The following DOCK3 variants were observed in gnomAD, a reference collection of about 807,000 sequenced individuals.
DOCK3 encodes the protein dedicator of cytokinesis protein 3.
A neutral mutation model predicts 265.6 loss-of-function variants in DOCK3; 60 were observed. The ratio of observed to expected loss-of-function variants is 0.23; its 90% CI spans 0.18 to 0.28. The LOEUF is 0.28. Among genes scored for constraint, DOCK3 ranks in the 10% least tolerant of loss-of-function variants. The pLI is 1.00. For missense variants in DOCK3, 1,981 were observed against 2,594.3 expected, an observed-to-expected ratio of 0.76 and a Z score of 5.14; for synonymous variants, 881 against 938.0, an observed-to-expected ratio of 0.94 and a Z score of 1.11.
At chr3:50,998,672 C>T (rs1004943289) in intron 5 of DOCK3, among the ~76,000 whole-genome samples, 1 of 152,186 alleles carries the variant, frequency 6.6e-6, no homozygotes, top group Non-Finnish European at 1.5e-5. Context: ...GGTCTAACTA[C>T]TGTATGTCTA....
chr3:50,994,193 G>A (rs550196480), intron 5 of DOCK3, among the ~76,000 whole-genome samples: 1 of 152,278 alleles, frequency 6.6e-6, no homozygotes, highest in East Asian at 1.9e-4. Flanking sequence ...GATAGAATTA[G>A]TGAGAGTCAG....
chr3:51,302,723 C>A (rs1427987639), intron 27 of DOCK3, among the ~76,000 whole-genome samples: 1 of 152,086 alleles, frequency 6.6e-6, no homozygotes, highest in Non-Finnish European at 1.5e-5. Flanking sequence ...AAATTCTTTT[C>A]TTTAAGAATG....
chr3:51,019,168 C>T lies in DOCK3; in HGVS notation c.316-45280C>T, dbSNP rs538165173. 9.2e-5 allele frequency among the ~76,000 whole-genome samples: 14 copies of T among 151,892 alleles called. No homozygotes were observed. In the South Asian group the frequency reaches 1.2e-3, roughly 14 times the overall value. On this transcript the variant is annotated intron_variant, in intron 5 of 52. Coordinates refer to ENST00000266037, the MANE Select transcript of DOCK3 (RefSeq NM_004947.5). ...TATCAGCCTTACCCTTTATACCTAG[C>T]GCTTTTTATGTTGTTTTTAAGAAAT...
At chr3:51,151,338 C>T (rs988125889) in intron 10 of DOCK3, among the ~76,000 whole-genome samples, 2 of 151,436 alleles carry the variant, frequency 1.3e-5, no homozygotes, top group Non-Finnish European at 3.0e-5. Flanking sequence ...TTATGTGTGA[C>T]CTGAGGGACC....
chr3:51,330,169 G>C lies in DOCK3; in HGVS notation c.3434G>C (p.Ser1145Thr), dbSNP rs35805015. The C allele has an allele frequency of 2.2e-4, 360 of 1,606,648 alleles. 2 individuals carry two copies. The African/African-American group carries it at 4.2e-3, about 19-fold the overall frequency. ...VEAELIDKLD[S>T]MVSEGKGDES... ...GCCGAGTTGATTGACAAGCTGGACA[G>C]CATGGTGTCAGAAGGGAAAGGTGAC... Residue 1145 changes from serine to threonine, a missense_variant, in exon 33 of 53, where the codon AGC becomes ACC. Coordinates refer to ENST00000266037, the MANE Select transcript of DOCK3 (RefSeq NM_004947.5).
chr3:50,775,202 T>C (rs1234673806), intron 1 of DOCK3, among the ~76,000 whole-genome samples: 5 of 152,112 alleles, frequency 3.3e-5, no homozygotes, highest in Admixed American at 1.3e-4. Context: ...TTGGTGTTAT[T>C]TTTTTCAGAT....
chr3:51,091,804 A>G lies in DOCK3; in HGVS notation c.746+1420A>G, dbSNP rs1014044900. 4.1e-4 allele frequency among the ~76,000 whole-genome samples: 62 copies of G among 152,044 alleles called. 1 individual carries two copies. Among genetic ancestry groups the G allele is most frequent in the African/African-American group, 1.4e-3 (59 of 41,452 alleles). On this transcript the variant is annotated intron_variant, in intron 9 of 52. Transcript: ENST00000266037. ...GTGATTTCTGCATTTCAGCCGAGGT[A>G]CCCGGTTCATCTCACTGGGACTGGT...
At position 51,090,243 on chromosome 3, in the gene DOCK3, G is replaced by C; in HGVS notation, c.605G>C (p.Arg202Pro). 3 of 1,588,806 alleles carry C rather than the reference G, an allele frequency of 1.9e-6. No individual in the cohort carries two copies. The highest frequency in any genetic ancestry group is 2.6e-6 in the Non-Finnish European group (3 of 1,167,152). Residue 202 changes from arginine to proline, a missense_variant, in exon 9 of 53, where the codon CGC (arginine) becomes CCC (proline). Physicochemically the swap from Arg to Pro is moderately radical, Grantham distance 103 (BLOSUM62 -2). Around this residue, in one of 4 missense-constraint regions of DOCK3, gnomAD observed 456 missense variants for 539.0 expected, o/e 0.85. Transcript: ENST00000266037. ...CTTCCTCATTAGGTAGATACAATGC[G>C]CCCACGTCATGGGGAAACATGTCGG... ...QQSTSQVDTM[R>P]PRHGETCRMP...
At chr3:50,993,918 C>A (rs2078193448) in intron 5 of DOCK3, among the ~76,000 whole-genome samples, 1 of 152,158 alleles carries the variant, frequency 6.6e-6, no homozygotes. Context: ...TGCTGCCTCC[C>A]AACCACAGGG....
chr3:50,757,163 C>CTTT lies in DOCK3; in HGVS notation c.38-21491_38-21489dup, dbSNP rs34435343. Among the ~76,000 whole-genome samples the CTTT allele has an allele frequency of 8.9e-4, 73 of 81,610 alleles. 1 individual carries two copies. The highest frequency in any genetic ancestry group is 1.3e-3 in the East Asian group (3 of 2,270). The allele number at this position is 81,610 out of a possible 152,430, so 53.5% of individuals were successfully genotyped here. On this transcript the variant is annotated intron_variant, in intron 1 of 52. Coordinates refer to ENST00000266037, the MANE Select transcript of DOCK3 (RefSeq NM_004947.5). ...CCACTGTGCCCAGTCAGATTGTCGT[C>CTTT]TTTTTTTTTTTTTTTTTTTTTTTCT... is the stretch of plus-strand genomic sequence containing the variant.
At chr3:51,197,122 T>C (rs1462878463) in intron 12 of DOCK3, among the ~76,000 whole-genome samples, 1 of 152,222 alleles carries the variant, frequency 6.6e-6, no homozygotes, top group Middle Eastern at 3.2e-3. Context: ...TTTCTTTGGC[T>C]GTAAACAGCA....
intron 5 of DOCK3, among the ~76,000 whole-genome samples, chr3:50,947,230 A>G (rs554593147): frequency 1.3e-5 from 2 of 152,212 alleles, no homozygotes; most frequent in South Asian, 4.1e-4. Flanking sequence ...TCAAAATGTG[A>G]TTTATTTTAA....
At chr3:51,174,430 C>T (rs1035648939) in intron 12 of DOCK3, among the ~76,000 whole-genome samples, 1 of 152,180 alleles carries the variant, frequency 6.6e-6, no homozygotes, top group Non-Finnish European at 1.5e-5. Flanking sequence ...GATCATGCCA[C>T]TCACATCCAG....
intron 3 of DOCK3, among the ~76,000 whole-genome samples, chr3:50,858,451 T>A (rs1003854449): frequency 1.4e-4 from 20 of 146,506 alleles, no homozygotes; most frequent in Admixed American, 2.7e-4. Context: ...ATAATAATAA[T>A]AAAAATAAAA....
At chr3:51,136,973 A>G (rs917269249) in intron 9 of DOCK3, among the ~76,000 whole-genome samples, 7 of 152,062 alleles carry the variant, frequency 4.6e-5, no homozygotes, top group Non-Finnish European at 1.0e-4. Flanking sequence ...CTATGTATAC[A>G]TATGTAACTA....
At chr3:51,262,617 C>G (rs1475892045) in intron 23 of DOCK3, among the ~76,000 whole-genome samples, 1 of 152,130 alleles carries the variant, frequency 6.6e-6, no homozygotes, top group East Asian at 1.9e-4. Context: ...ATAACAAACT[C>G]CTCCAAGCTA....
intron 35 of DOCK3, chr3:51,337,012 A>G (rs1224409484): frequency 4.9e-6 from 2 of 408,790 alleles, no homozygotes; most frequent in African/African-American, 2.1e-5. Flanking sequence ...CGAAAAGTCA[A>G]GCAGTTTCCT....
chr3:51,061,008 T>C (rs2081389264), intron 5 of DOCK3, among the ~76,000 whole-genome samples: 2 of 152,166 alleles, frequency 1.3e-5, no homozygotes, highest in East Asian at 3.9e-4. Flanking sequence ...AAAACCACAA[T>C]GAGATACCAT....
At chr3:51,320,744 G>A (rs2083663686) in intron 32 of DOCK3, among the ~76,000 whole-genome samples, 1 of 152,214 alleles carries the variant, frequency 6.6e-6, no homozygotes. Flanking sequence ...CCGCAGCTCA[G>A]CAAGGCTGCT....
Sources: allele counts gnomAD v4.1 joint callset (sites outside exome capture counted in the v4.1 genomes callset), GRCh38; gene constraint gnomAD v4.1.1; regional missense constraint gnomAD v4.1.1; transcripts MANE v1.5; gene names NCBI Gene and HGNC (gene_info 2026-07-23, HGNC 2026-07-21).